The following HIVEP3 variants were observed in gnomAD, a reference collection of about 807,000 sequenced individuals.
The protein encoded by HIVEP3 is HIVEP zinc finger 3.
HIVEP3 carries 49 observed loss-of-function variants against 152.8 expected under a neutral mutation model. The observed-to-expected ratio is 0.32, with a 90% CI of 0.26 to 0.41. HIVEP3 has a LOEUF of 0.41. Ranked by LOEUF, HIVEP3 falls within the 10% of genes least tolerant of loss-of-function variation. HIVEP3 has a pLI of 1.00. For missense variants in HIVEP3, 2,790 were observed against 3,103.3 expected, an observed-to-expected ratio of 0.90 and a Z score of 2.40; for synonymous variants, 1,269 against 1,289.0, an observed-to-expected ratio of 0.98 and a Z score of 0.33.
intron 5 of HIVEP3, among the ~76,000 whole-genome samples, chr1:41,545,793 A>G (rs1643788908): frequency 6.6e-6 from 1 of 150,576 alleles, no homozygotes; most frequent in Non-Finnish European, 1.5e-5. Context: ...CACCACCACC[A>G]TCACCACCAT....
chr1:41,613,012 G>A lies in HIVEP3; in HGVS notation c.-522+15737C>T, dbSNP rs371274331. Among the ~76,000 whole-genome samples the A allele has an allele frequency of 1.7e-4, 26 of 152,320 alleles. No homozygotes were observed. In the South Asian group the frequency reaches 1.9e-3, roughly 11 times the overall value. On this transcript the variant is annotated intron_variant, in intron 3 of 8. Transcript: ENST00000372583. ...AATGCAGCACCTCCTTCCAGGAAGC[G>A]CCCAAGGAAGCTCCAAGGGACCTGG...
intron 5 of HIVEP3, chr1:41,535,817 G>C (rs1263246573): frequency 6.6e-6 from 1 of 151,986 alleles, no homozygotes; most frequent in Non-Finnish European, 1.5e-5. Context: ...TCACAAGGCA[G>C]CTCAAAAGTG....
chr1:41,548,080 C>T (rs993658817), intron 5 of HIVEP3, among the ~76,000 whole-genome samples: 2 of 152,178 alleles, frequency 1.3e-5, no homozygotes, highest in African/African-American at 4.8e-5. Context: ...GACCTCAGCT[C>T]GAATGCCAGG....
intron 1 of HIVEP3, among the ~76,000 whole-genome samples, chr1:41,816,447 G>C (rs1651270062): frequency 6.6e-6 from 1 of 152,210 alleles, no homozygotes; most frequent in Admixed American, 6.5e-5. Flanking sequence ...AGCACTTTGG[G>C]AGGTCGAGGT....
intron 3 of HIVEP3, among the ~76,000 whole-genome samples, chr1:41,621,407 C>T (rs1013666173): frequency 6.6e-6 from 1 of 152,250 alleles, no homozygotes; most frequent in African/African-American, 2.4e-5. Context: ...CCCTGCTTTC[C>T]AGCATTGGCC....
chr1:41,746,309 T>A (rs1647071293), intron 1 of HIVEP3, among the ~76,000 whole-genome samples: 1 of 152,256 alleles, frequency 6.6e-6, no homozygotes, highest in Non-Finnish European at 1.5e-5. Context: ...CAACCCCGTT[T>A]GCTTCAGATT....
intron 1 of HIVEP3, among the ~76,000 whole-genome samples, chr1:41,943,093 GA>G (rs2124486583): frequency 6.6e-6 from 1 of 151,966 alleles, no homozygotes; most frequent in South Asian, 2.1e-4. Context: ...TTTTTTAGTA[GA>G]GACGGGTTTC....
intron 1 of HIVEP3, among the ~76,000 whole-genome samples, chr1:41,950,256 G>A (rs555378992): frequency 7.2e-5 from 11 of 152,068 alleles, no homozygotes; most frequent in Admixed American, 2.0e-4. Context: ...CCCTCTTTGG[G>A]TCCCCTCCCT....
intron 5 of HIVEP3, among the ~76,000 whole-genome samples, chr1:41,566,363 T>C (rs1644163067): frequency 6.6e-6 from 1 of 152,172 alleles, no homozygotes; most frequent in African/African-American, 2.4e-5. Context: ...AAGTGTCTTC[T>C]TCTCATCAAT....
At position 41,580,094 on chromosome 1, in the gene HIVEP3, C is replaced by T. The variant is rs557832969; in HGVS notation, c.4704G>A (p.Pro1568=). The T allele has an allele frequency of 5.9e-5, 95 of 1,614,170 alleles. No individual in the cohort carries two copies. The South Asian group carries it at 8.8e-4, about 15-fold the overall frequency. ...EQPDLPSLAP[P]SSLPLSETSS... ...ACGTTTCTGACAGAGGCAGAGAGCT[C>T]GGAGGTGCCAAGGAGGGGAGATCAG... The change falls in exon 4 of 9, where the codon CCG becomes CCA. Residue 1568 remains proline (P), a synonymous_variant. Coordinates refer to ENST00000372583, the MANE Select transcript of HIVEP3 (RefSeq NM_024503.5).
At chr1:41,926,290 A>G (rs906332222) in intron 1 of HIVEP3, among the ~76,000 whole-genome samples, 1 of 152,146 alleles carries the variant, frequency 6.6e-6, no homozygotes, top group South Asian at 2.1e-4. Context: ...CTGCACTCAC[A>G]CAGTTAATTT....
intron 7 of HIVEP3, among the ~76,000 whole-genome samples, chr1:41,516,257 G>C (rs1434951370): frequency 6.6e-6 from 1 of 152,180 alleles, no homozygotes; most frequent in African/African-American, 2.4e-5. Context: ...GGCGCCGCTG[G>C]GAGAGGCCAC....
Position 41,583,679 on chromosome 1 carries a change from C to T in HIVEP3, c.1119G>A (p.Lys373=), listed in dbSNP as rs373527563. 3.1e-6 allele frequency: 5 copies of T among 1,613,940 alleles called. No individual in the cohort carries two copies. The African/African-American group carries it at 6.7e-5, about 22-fold the overall frequency. ...KLALRLSERK[K]VIDEQAFLSP... ...TCAGAAACGCCTGCTCATCGATCAC[C>T]TTCTTCCTCTCGCTTAAGCGGAGGG... The change falls in exon 4 of 9, where the codon AAG becomes AAA. Residue 373 remains lysine, a synonymous_variant. Transcript: ENST00000372583. This position sits in a 1 kb window ranked among gnomAD's most constrained non-coding sequence, Gnocchi z 6.9.
chr1:41,652,416 C>G (rs1365225351), intron 2 of HIVEP3, among the ~76,000 whole-genome samples: 1 of 152,154 alleles, frequency 6.6e-6, no homozygotes, highest in African/African-American at 2.4e-5. Flanking sequence ...TGGCCCCTAA[C>G]CCTGATATGC....
At chr1:42,001,426 C>G (rs888759291) in intron 1 of HIVEP3, among the ~76,000 whole-genome samples, 2 of 152,180 alleles carry the variant, frequency 1.3e-5, no homozygotes, top group Admixed American at 1.3e-4. Context: ...TAAAGGCAGC[C>G]TGGTGTCTGG....
At chr1:41,913,889 A>C (rs1401914123) in intron 1 of HIVEP3, among the ~76,000 whole-genome samples, 1 of 152,192 alleles carries the variant, frequency 6.6e-6, no homozygotes, top group Non-Finnish European at 1.5e-5. Context: ...CATACATAAC[A>C]CATGTTTAAA....
intron 1 of HIVEP3, among the ~76,000 whole-genome samples, chr1:41,736,984 C>A (rs936640705): frequency 7.9e-5 from 12 of 152,164 alleles, no homozygotes; most frequent in African/African-American, 2.9e-4. Context: ...CCTTCTTAGA[C>A]CCTGGTGCCT....
chr1:42,032,135 C>T (rs772033047), intron 1 of HIVEP3, among the ~76,000 whole-genome samples: 6 of 152,196 alleles, frequency 3.9e-5, no homozygotes, highest in Admixed American at 2.0e-4. Flanking sequence ...CAGAAAAAAG[C>T]GCAGCCAATG....
intron 5 of HIVEP3, among the ~76,000 whole-genome samples, chr1:41,529,402 TCATACCC>T (rs1643159173): frequency 1.1e-5 from 1 of 90,550 alleles, no homozygotes; most frequent in South Asian, 4.3e-4. Context: ...ACACACATGC[TCATACCC>T]CACACCCTCA....
Sources: gnomAD v4.1 joint callset for allele counts (sites outside exome capture counted in the v4.1 genomes callset) on GRCh38, gnomAD v4.1.1 for gene constraint, Gnocchi (gnomAD v3.1) non-coding constraint, MANE v1.5 for transcripts, NCBI Gene and HGNC (gene_info 2026-07-23, HGNC 2026-07-21) for gene names.